PYGB: variants seen among roughly 807,000 people sequenced by gnomAD.
PYGB encodes glycogen phosphorylase, brain form.
PYGB carries 82 observed loss-of-function variants against 94.3 expected under a neutral mutation model. The ratio of observed to expected loss-of-function variants is 0.87; its 90% CI spans 0.73 to 1.04. PYGB has a LOEUF of 1.04. PYGB is among the 50% of genes least tolerant of loss of function. PYGB has a pLI of 0.00. For missense variants in PYGB, 1,132 were observed against 1,158.2 expected (o/e 0.98, Z 0.33); for synonymous variants, 488 against 479.1 (o/e 1.02, Z -0.24).
At position 25,282,080 on chromosome 20, in the gene PYGB, C is replaced by A. The variant is rs1029138057; in HGVS notation, c.1451C>A (p.Thr484Asn). The A allele has an allele frequency of 6.2e-7, 1 of 1,613,998 alleles. No individual in the cohort carries two copies. The highest frequency in any genetic ancestry group is 1.1e-5 in the South Asian group (1 of 91,078). The change falls in exon 12 of 20, where the codon ACC becomes AAC. Residue 484 changes from threonine (T) to asparagine (N), a missense_variant. Thr to Asn is a moderately conservative substitution (Grantham distance 65). Coordinates refer to ENST00000216962, the MANE Select transcript of PYGB (RefSeq NM_002862.4). ...GAGCCAGAGAAGTTCCAGAATAAGA[C>A]CAATGGCATCACCCCCCGCCGGTGG... ...ELEPEKFQNK[T>N]NGITPRRWLL...
At chr20:25,292,332 G>C (rs2088475237) in intron 16 of PYGB, 74 bp from the exon 17 acceptor site, 3 of 1,544,070 alleles carry the variant, frequency 1.9e-6, no homozygotes, top group Non-Finnish European at 2.7e-6. Context: ...GGGCCGGCTT[G>C]TCCTGCAGTG....
intron 1 of PYGB, among the ~76,000 whole-genome samples, chr20:25,256,328 C>A (rs115038533): frequency 2.0e-5 from 3 of 151,516 alleles, no homozygotes; most frequent in Admixed American, 6.6e-5. Flanking sequence ...TATTTTTGAG[C>A]TTTATGTTTT....
intron 1 of PYGB, among the ~76,000 whole-genome samples, chr20:25,254,674 T>A (rs2092898189): frequency 6.6e-6 from 1 of 152,254 alleles, no homozygotes; most frequent in Non-Finnish European, 1.5e-5. Flanking sequence ...CGATGACTGG[T>A]AGCTCACTAG....
intron 2 of PYGB, among the ~76,000 whole-genome samples, chr20:25,260,979 G>T (rs1328863567): frequency 1.3e-5 from 2 of 152,228 alleles, no homozygotes; most frequent in African/African-American, 4.8e-5. Context: ...AGAGCAGCCG[G>T]GAAGCTTGAA....
intron 6 of PYGB, 138 bp from the exon 7 acceptor site, chr20:25,277,106 T>C: frequency 1.5e-6 from 1 of 675,250 alleles, no homozygotes; most frequent in South Asian, 1.8e-5. Flanking sequence ...GGGATGGGGG[T>C]GAGGGGAAGT....
intron 5 of PYGB, 44 bp downstream of exon 5, chr20:25,274,767 A>T: frequency 6.3e-7 from 1 of 1,596,730 alleles, no homozygotes; most frequent in Non-Finnish European, 8.5e-7. Flanking sequence ...GAGCCAGGTG[A>T]GGGGGCTGCT....
chr20:25,280,454 C>A (rs762261378), intron 10 of PYGB, 42 bp downstream of exon 10: 1 of 1,602,058 alleles, frequency 6.2e-7, no homozygotes, highest in Non-Finnish European at 8.5e-7. Context: ...GGCGGCTACA[C>A]CCATGCCAAC....
chr20:25,270,821 T>C (rs1038785200), intron 3 of PYGB, among the ~76,000 whole-genome samples: 6 of 152,214 alleles, frequency 3.9e-5, no homozygotes, highest in Admixed American at 2.0e-4. Context: ...AAACATTGTT[T>C]TGTTTTGTTT....
intron 2 of PYGB, among the ~76,000 whole-genome samples, chr20:25,260,355 T>C (rs916830957): frequency 5.9e-5 from 9 of 152,256 alleles, no homozygotes; most frequent in Non-Finnish European, 8.8e-5. Flanking sequence ...TCTGCAGTTC[T>C]TACATATAGT....
intron 18 of PYGB, chr20:25,294,739 G>C: frequency 1.6e-6 from 1 of 628,834 alleles, no homozygotes; most frequent in Non-Finnish European, 2.9e-6. Context: ...CACTTGCAAC[G>C]ATGTGACATT....
Position 25,280,291 on chromosome 20 carries a change from G to T in PYGB, c.1118G>T (p.Cys373Phe), listed in dbSNP as rs200974648. Reference sequence around the variant, plus strand: ...GCCTGGGAAATCACGAAGAAGACCTGTGCATACACCAACCACACTGTGCTG... The same window carrying T: ...GCCTGGGAAATCACGAAGAAGACCTTTGCATACACCAACCACACTGTGCTG... ...DKAWEITKKT[C>F]AYTNHTVLPE... Residue 373 changes from cysteine (C) to phenylalanine (F), a missense_variant, in exon 10 of 20, where the codon TGT (cysteine) becomes TTT (phenylalanine). Physicochemically the swap from Cys to Phe is radical, Grantham distance 205. Transcript: ENST00000216962. 3.4e-5 allele frequency: 55 copies of T among 1,614,212 alleles called. No homozygotes were observed. In the Admixed American group the frequency reaches 6.7e-4, roughly 20 times the overall value.
At chr20:25,295,467 G>A in intron 18 of PYGB, 137 bp from the exon 19 acceptor site, 2 of 947,384 alleles carry the variant, frequency 2.1e-6, no homozygotes, top group Admixed American at 2.0e-5. Flanking sequence ...GCTCTGACCA[G>A]CTGCGTGGGT....
chr20:25,294,475 C>T (rs921007976), intron 18 of PYGB, among the ~76,000 whole-genome samples, 183 bp downstream of exon 18: 7 of 152,224 alleles, frequency 4.6e-5, no homozygotes, highest in Non-Finnish European at 8.8e-5. Context: ...TTTGCGATGG[C>T]CTCTGGCAAT....
rs1441322599 is a variant in PYGB, at chr20:25,297,933, C to T, written c.*1411C>T. ...CCTAGTTGGCCACTGGGGCCACCAC[C>T]CTGACCACCACTGTGCCCCTCATTG... On this transcript the variant is annotated 3_prime_UTR_variant, in exon 20 of 20. Coordinates refer to ENST00000216962, the MANE Select transcript of PYGB (RefSeq NM_002862.4). The T allele has an allele frequency of 6.6e-5, 10 of 152,346 alleles. No homozygotes were observed. The highest frequency in any genetic ancestry group is 5.9e-4 in the Admixed American group (9 of 15,288). 9.4% of individuals were successfully genotyped at this position (152,346 alleles called of 1,614,324 possible).
rs201919493 is a variant in PYGB at position 25,284,159 on chromosome 20, A to T, written c.1676A>T (p.Asn559Ile). Reference protein sequence around the residue: ...FLEKEYKVKINPSSMFDVHVK... With the variant: ...FLEKEYKVKIIPSSMFDVHVK... ...GAGAAGGAGTACAAGGTGAAGATCA[A>T]CCCCTCCTCCATGTTCGATGTGCAT... Residue 559 changes from asparagine to isoleucine, a missense_variant, in exon 14 of 20, where the codon AAC (asparagine) becomes ATC (isoleucine). Transcript: ENST00000216962. The T allele has an allele frequency of 4.3e-6, 7 of 1,613,836 alleles. No homozygotes were observed. Among genetic ancestry groups the T allele is most frequent in the Non-Finnish European group, 5.1e-6 (6 of 1,179,980 alleles).
In PYGB at chr20:25,297,697, G is replaced by T; in HGVS notation, c.*1175G>T. The T allele has an allele frequency of 6.6e-6, 1 of 152,418 alleles. No individual in the cohort carries two copies. Among genetic ancestry groups the T allele is most frequent in the Non-Finnish European group, 1.5e-5 (1 of 68,080 alleles). 9.4% of individuals were successfully genotyped at this position (152,418 alleles called of 1,614,324 possible). On this transcript the variant is annotated 3_prime_UTR_variant, in exon 20 of 20. Coordinates refer to ENST00000216962, the MANE Select transcript of PYGB (RefSeq NM_002862.4). ...GGCTACTGTCCTTCCCTGTGGAATT[G>T]CCGAGAAATCTAGCACCTTGCATGC...
At chr20:25,281,588 G>A (rs750239792) in intron 11 of PYGB, among the ~76,000 whole-genome samples, 9 of 152,246 alleles carry the variant, frequency 5.9e-5, no homozygotes, top group African/African-American at 9.6e-5. Context: ...GGCAGCAGCC[G>A]GCGGGAGCGG....
In PYGB at chr20:25,277,305, G is replaced by A. The variant is rs144081143; in HGVS notation, c.834G>A (p.Arg278=). Residue 278 remains arginine (R), a synonymous_variant, in exon 7 of 20, where the codon AGG becomes AGA. Transcript: ENST00000216962. The part of the protein sequence containing the change: ...LDRNLAENIS[R]VLYPNDNFFE... ...GGAACTTGGCTGAGAACATCTCCAGGGTCCTGTATCCAAATGATAACGTGA... is the reference window on the plus strand; with the variant it reads ...GGAACTTGGCTGAGAACATCTCCAGAGTCCTGTATCCAAATGATAACGTGA... 1,009 of 1,573,698 alleles carry A rather than the reference G, an allele frequency of 6.4e-4. 2 individuals are homozygous for A. The highest frequency in any genetic ancestry group is 2.0e-3 in the Middle Eastern group (12 of 5,992).
chr20:25,281,996 A>G lies in PYGB; in HGVS notation c.1404-37A>G, dbSNP rs200605197. The G allele has an allele frequency of 3.3e-5, 51 of 1,536,150 alleles. No homozygotes were observed. In the East Asian group the frequency reaches 1.1e-3, roughly 35 times the overall value. ...CTGTTGCTCACCTGGTGCAGGGCACAGCATTTGTGACAGTTCCCTGTTCTC... is the reference window on the plus strand; with the variant it reads ...CTGTTGCTCACCTGGTGCAGGGCACGGCATTTGTGACAGTTCCCTGTTCTC... On this transcript the variant is annotated intron_variant, in intron 11 of 19. Coordinates refer to ENST00000216962, the MANE Select transcript of PYGB (RefSeq NM_002862.4).
Sources: allele counts gnomAD v4.1 joint callset (sites outside exome capture counted in the v4.1 genomes callset), GRCh38; gene constraint gnomAD v4.1.1; transcripts MANE v1.5; gene names NCBI Gene and HGNC (gene_info 2026-07-23, HGNC 2026-07-21).